Variants in DCHS2 observed in about 807,000 individuals in gnomAD.
The protein encoded by DCHS2 is dachsous cadherin-related 2, also known as protocadherin-23.
Under a neutral mutation model 182.4 loss-of-function variants are expected in DCHS2, and 142 were observed. The ratio of observed to expected loss-of-function variants is 0.78; its 90% confidence interval spans 0.68 to 0.89. DCHS2 has a LOEUF of 0.89. Ranked by LOEUF, DCHS2 falls within the 40% of genes least tolerant of loss-of-function variation. The pLI, the probability that DCHS2 is intolerant of heterozygous loss-of-function variation, is 0.00. For missense variants in DCHS2, 4,319 were observed against 4,198.6 expected (o/e 1.03, Z -0.79); for synonymous variants, 1,740 against 1,663.3 (o/e 1.05, Z -1.12).
chr4:154,260,794 A>G (rs1246264893), intron 14 of DCHS2, among the ~76,000 whole-genome samples: 2 of 152,096 alleles, frequency 1.3e-5, no homozygotes, highest in Non-Finnish European at 1.5e-5. Flanking sequence ...TCTCTTACGT[A>G]CCATCATATC....
chr4:154,333,797 G>A (rs1728634276), intron 4 of DCHS2: 1 of 366,010 alleles, frequency 2.7e-6, no homozygotes, highest in South Asian at 4.1e-5. Flanking sequence ...GTGTCTGGTA[G>A]GCCACACCAT....
At chr4:154,461,568 A>G (rs999507770) in intron 1 of DCHS2, among the ~76,000 whole-genome samples, 3 of 152,224 alleles carry the variant, frequency 2.0e-5, no homozygotes, top group Non-Finnish European at 4.4e-5. Context: ...AGATTGTGAC[A>G]TAGTATAATG....
chr4:154,305,160 T>C lies in DCHS2; in HGVS notation c.5332A>G (p.Thr1778Ala). 6.2e-7 allele frequency: 1 copy of C among 1,612,874 alleles called. No homozygotes were observed. Among genetic ancestry groups the C allele is most frequent in the Non-Finnish European group, 8.5e-7 (1 of 1,179,454 alleles). Residue 1778 changes from threonine to alanine, a missense_variant, in exon 11 of 20, where the codon ACT becomes GCT. Thr to Ala is a moderately conservative substitution (Grantham distance 58, BLOSUM62 0). Transcript: ENST00000357232. The stretch of plus-strand genomic sequence containing the variant: ...ATGGTGGTTGTCACTACCTCTCCAG[T>C]GTCAGAATTTATCTCGAATAATTCA... ...SFELFEINSDTGEVVTTTILD... is the reference protein window; with the variant it reads ...SFELFEINSDAGEVVTTTILD...
rs1200061847 is a variant in DCHS2, at chr4:154,320,586, T to C, written c.4813A>G (p.Thr1605Ala). ...ACATCCAAAATCACTATTTGTGCTG[T>C]CAGTGATCTCAGTCGCCGGTCTGTC... ...NVTDRRLRSL[T>A]AQIVILDVND... Residue 1605 changes from threonine (T) to alanine (A), a missense_variant, in exon 9 of 20, where the codon ACA (threonine) becomes GCA (alanine). Coordinates refer to ENST00000357232, the MANE Select transcript of DCHS2 (RefSeq NM_001358235.2). 1.2e-6 allele frequency: 2 copies of C among 1,614,132 alleles called. No homozygotes were observed. Among genetic ancestry groups the C allele is most frequent in the Admixed American group, 3.3e-5 (2 of 59,996 alleles).
intron 1 of DCHS2, among the ~76,000 whole-genome samples, chr4:154,435,345 C>T (rs953978539): frequency 1.3e-5 from 2 of 152,022 alleles, no homozygotes; most frequent in African/African-American, 4.8e-5. Flanking sequence ...GCCTGTAATC[C>T]CAGCACTTTG....
chr4:154,274,674 A>G (rs1006417252), intron 13 of DCHS2, among the ~76,000 whole-genome samples: 4 of 152,140 alleles, frequency 2.6e-5, no homozygotes, highest in African/African-American at 9.7e-5. Context: ...TCTTGTATGT[A>G]GTAGATGCTT....
At chr4:154,296,284 T>C (rs1325175798) in intron 13 of DCHS2, among the ~76,000 whole-genome samples, 1 of 152,144 alleles carries the variant, frequency 6.6e-6, no homozygotes, top group East Asian at 1.9e-4. Flanking sequence ...TTTAAAGAGA[T>C]TCAGAACAGT....
rs1458810068 is a variant in DCHS2, at chr4:154,333,230, G to A, written c.2978C>T (p.Pro993Leu). The A allele has an allele frequency of 1.2e-6, 2 of 1,614,218 alleles. No homozygotes were observed. Among genetic ancestry groups the A allele is most frequent in the East Asian group, 2.2e-5 (1 of 44,876 alleles). ...TGCGAGGTACAAGGCTGTGCCAGGG[G>A]GCGTGGTCTGGGATATTCTAATCTC... ...SDEIRISQTT[P>L]PGTALYLARA... Residue 993 changes from proline (P) to leucine (L), a missense_variant, in exon 5 of 20, where the codon CCC (proline) becomes CTC (leucine). Transcript: ENST00000357232.
chr4:154,395,155 A>C (rs1419043178), intron 1 of DCHS2, among the ~76,000 whole-genome samples: 1 of 152,196 alleles, frequency 6.6e-6, no homozygotes, highest in Non-Finnish European at 1.5e-5. Flanking sequence ...AGAAGTAAAA[A>C]TATGTTAGCT....
intron 1 of DCHS2, among the ~76,000 whole-genome samples, chr4:154,452,221 A>G (rs1450900364): frequency 6.6e-6 from 1 of 152,226 alleles, no homozygotes; most frequent in Non-Finnish European, 1.5e-5. Context: ...TGGAAAGAAT[A>G]TATTTGTTTA....
rs778037772 is a variant in DCHS2, at chr4:154,333,233, G to A, written c.2975C>T (p.Thr992Met). ...GAGGTACAAGGCTGTGCCAGGGGGC[G>A]TGGTCTGGGATATTCTAATCTCATC... ...TSDEIRISQT[T>M]PPGTALYLAR... The change falls in exon 5 of 20, where the codon ACG becomes ATG. Residue 992 changes from threonine to methionine, a missense_variant. Physicochemically the swap from Thr to Met is moderately conservative, Grantham distance 81. Coordinates refer to ENST00000357232, the MANE Select transcript of DCHS2 (RefSeq NM_001358235.2). The A allele has an allele frequency of 1.2e-6, 2 of 1,614,118 alleles. No homozygotes were observed.
At chr4:154,430,503 C>T (rs759561421) in intron 1 of DCHS2, among the ~76,000 whole-genome samples, 3 of 152,178 alleles carry the variant, frequency 2.0e-5, no homozygotes, top group Non-Finnish European at 4.4e-5. Flanking sequence ...CCACAGGATC[C>T]TCCCTGGGGA....
At chr4:154,276,041 T>C (rs1026355683) in intron 13 of DCHS2, among the ~76,000 whole-genome samples, 2 of 152,164 alleles carry the variant, frequency 1.3e-5, no homozygotes, top group African/African-American at 4.8e-5. Flanking sequence ...AAATTGGAGA[T>C]TCTCTTGAAA....
chr4:154,417,334 AATGTTCAGGATT>A (rs1732910381), intron 1 of DCHS2, among the ~76,000 whole-genome samples: 1 of 151,736 alleles, frequency 6.6e-6, no homozygotes, highest in Admixed American at 6.6e-5. Context: ...TTGACAGTTT[AATGTTCAGGATT>A]AGTAGCCTTA....
At chr4:154,427,734 A>G (rs1021355428) in intron 1 of DCHS2, among the ~76,000 whole-genome samples, 1 of 152,228 alleles carries the variant, frequency 6.6e-6, no homozygotes, top group Non-Finnish European at 1.5e-5. Flanking sequence ...ATGAGAGCAA[A>G]GGCTCTGAGC....
chr4:154,295,141 G>A (rs1734865076), intron 13 of DCHS2, among the ~76,000 whole-genome samples: 1 of 152,222 alleles, frequency 6.6e-6, no homozygotes, highest in Admixed American at 6.5e-5. Flanking sequence ...ATCAAATGAT[G>A]TCTTGTGCCT....
rs1436066841 is a variant in DCHS2, at chr4:154,441,331, G to A, written c.2052+47973C>T. Among the ~76,000 whole-genome samples, 3 of 152,150 alleles carry A rather than the reference G, an allele frequency of 2.0e-5. No individual in the cohort carries two copies. The East Asian group carries it at 5.8e-4, about 29-fold the overall frequency. On this transcript the variant is annotated intron_variant, in intron 1 of 19. Transcript: ENST00000357232. ...GCAAAAAAGATAACATTCTGAATCA[G>A]CATTTTGGGAAGCAAAGGGATTACA... is the stretch of plus-strand genomic sequence containing the variant.
At chr4:154,435,104 A>G (rs1733720874) in intron 1 of DCHS2, among the ~76,000 whole-genome samples, 1 of 152,200 alleles carries the variant, frequency 6.6e-6, no homozygotes, top group Non-Finnish European at 1.5e-5. Flanking sequence ...CACCATGGAA[A>G]TATACGAGGT....
chr4:154,314,495 G>A (rs535011851), intron 10 of DCHS2, among the ~76,000 whole-genome samples: 4 of 152,208 alleles, frequency 2.6e-5, no homozygotes, highest in African/African-American at 7.2e-5. Flanking sequence ...AGAAAATTGG[G>A]TTAGCCCTTG....
Sources: allele counts gnomAD v4.1 joint callset (sites outside exome capture counted in the v4.1 genomes callset), GRCh38; gene constraint gnomAD v4.1.1; transcripts MANE v1.5; gene names NCBI Gene and HGNC (gene_info 2026-07-23, HGNC 2026-07-21).